Variants in GLS observed in about 807,000 individuals in gnomAD.
GLS encodes the protein glutaminase.
Under a neutral mutation model 86.7 loss-of-function variants are expected in GLS, and 36 were observed. That is an observed-to-expected ratio of 0.42 (90% confidence interval 0.32 to 0.55). GLS has a LOEUF of 0.55. Ranked by LOEUF, GLS falls within the 20% of genes least tolerant of loss-of-function variation. The probability of loss-of-function intolerance (pLI) is 0.17; values close to 1 mark genes in which losing one functional copy is unlikely to be tolerated. For synonymous variants in GLS, 317 were observed against 305.9 expected, an observed-to-expected ratio of 1.04 and a Z score of -0.38; for missense variants, 528 against 833.4, an observed-to-expected ratio of 0.63 and a Z score of 4.51.
Position 190,905,931 on chromosome 2 carries a change from T to TA in GLS, c.979+765dup, listed in dbSNP as rs1444234847. ...AGTTTGTAGTAATGGCTGTGAGAGA[T>TA]ACACTTTTGTACTTTTTTTTTCTGC... On this transcript the variant is annotated intron_variant, in intron 6 of 17. Coordinates refer to ENST00000320717, the MANE Select transcript of GLS (RefSeq NM_014905.5). The surrounding 1 kb of genome is among the most constrained non-coding windows in gnomAD (Gnocchi z 4.6). Among the ~76,000 whole-genome samples, 1 of 152,112 alleles carries TA rather than the reference T, an allele frequency of 6.6e-6. No homozygotes were observed. The highest frequency in any genetic ancestry group is 2.4e-5 in the African/African-American group (1 of 41,442).
intron 7 of GLS, among the ~76,000 whole-genome samples, chr2:190,911,378 A>C (rs114578973): frequency 1.1e-3 from 169 of 152,214 alleles, no homozygotes; most frequent in African/African-American, 3.9e-3. Context: ...TTAAGAATCT[A>C]TATGTTTACT....
chr2:190,885,525 T>C (rs570032987), intron 1 of GLS, among the ~76,000 whole-genome samples: 4 of 152,238 alleles, frequency 2.6e-5, no homozygotes, highest in Non-Finnish European at 5.9e-5. Flanking sequence ...GAAATGCTTA[T>C]GAATTTCAGC....
chr2:190,925,686 T>C (rs1041721826), intron 11 of GLS, among the ~76,000 whole-genome samples: 3 of 152,022 alleles, frequency 2.0e-5, no homozygotes, highest in Non-Finnish European at 4.4e-5. Flanking sequence ...ATAAGGGAGG[T>C]TGATAATGAG....
chr2:190,944,749 C>G (rs918524600), intron 14 of GLS, among the ~76,000 whole-genome samples: 1 of 151,918 alleles, frequency 6.6e-6, no homozygotes, highest in Admixed American at 6.6e-5. Context: ...AGTAGCGTAA[C>G]AGTCATATTT....
chr2:190,931,016 T>TA (rs1247573281), intron 13 of GLS, among the ~76,000 whole-genome samples: 6 of 152,230 alleles, frequency 3.9e-5, no homozygotes, highest in Non-Finnish European at 5.9e-5. Context: ...TTTAAACTGT[T>TA]ACTGCTCTTG....
chr2:190,921,219 A>G lies in GLS; in HGVS notation c.1130+16A>G, dbSNP rs1689725421. 1 of 1,531,798 alleles carries G rather than the reference A, an allele frequency of 6.5e-7. No homozygotes were observed. Among genetic ancestry groups the G allele is most frequent in the Non-Finnish European group, 9.0e-7 (1 of 1,105,534 alleles). The allele number at this position is 1,531,798 out of a possible 1,614,324, so 94.9% of individuals were successfully genotyped here. ...GTAATGCAACGTGAGTGTTTTAAATACTGTTTTGTTACGTAAAAACACACA... is the reference window on the plus strand; with the variant it reads ...GTAATGCAACGTGAGTGTTTTAAATGCTGTTTTGTTACGTAAAAACACACA... On this transcript the variant is annotated intron_variant, in intron 9 of 17. Coordinates refer to ENST00000320717, the MANE Select transcript of GLS (RefSeq NM_014905.5). The surrounding 1 kb of genome is among the most constrained non-coding windows in gnomAD (Gnocchi z 4.2).
Position 190,924,196 on chromosome 2 carries a change from CAT to C in GLS, c.1197+216_1197+217del, listed in dbSNP as rs558609239. The stretch of plus-strand genomic sequence containing the variant: ...TCTGGCAGCATTTAAATATTTGACT[CAT>C]ATTATTTATTAATACAAATTTTGTT... On this transcript the variant is annotated intron_variant, in intron 10 of 17. Coordinates refer to ENST00000320717, the MANE Select transcript of GLS (RefSeq NM_014905.5). This position sits in a 1 kb window ranked among gnomAD's most constrained non-coding sequence, Gnocchi z 5.2. Among the ~76,000 whole-genome samples, 22 of 152,184 alleles carry C rather than the reference CAT, an allele frequency of 1.4e-4. No homozygotes were observed. Among genetic ancestry groups the C allele is most frequent in the East Asian group, 3.9e-4 (2 of 5,182 alleles).
Position 190,880,912 on chromosome 2 carries a change from G to T in GLS, c.-173G>T. 2 of 946,830 alleles carry T rather than the reference G, an allele frequency of 2.1e-6. No individual in the cohort carries two copies. Among genetic ancestry groups the T allele is most frequent in the Non-Finnish European group, 1.6e-6 (1 of 626,714 alleles). The allele number at this position is 946,830 out of a possible 1,614,324, so 58.7% of individuals were successfully genotyped here. On this transcript the variant is annotated 5_prime_UTR_variant, in exon 1 of 18. Coordinates refer to ENST00000320717, the MANE Select transcript of GLS (RefSeq NM_014905.5). ...AGCAGCAGCAGCAGCAGCAGCAGCA[G>T]CAGCAGCACCCGCATCCGCTGCGGG...
rs1312009389 is a variant in GLS at position 190,924,450 on chromosome 2, A to G, written c.1198-93A>G. 4.1e-6 allele frequency: 3 copies of G among 733,630 alleles called. No individual in the cohort carries two copies. Among genetic ancestry groups the G allele is most frequent in the African/African-American group, 3.5e-5 (2 of 56,738 alleles). The allele number at this position is 733,630 out of a possible 1,614,324, so 45.4% of individuals were successfully genotyped here. A position where few individuals can be genotyped will look rare whatever the true frequency, so the allele number is the denominator to read the frequency against. ...ATGCTATTTTATTAATTAAAATGAAACACTTGTGTACATTTGAAATTTTTC... is the reference window on the plus strand; with the variant it reads ...ATGCTATTTTATTAATTAAAATGAAGCACTTGTGTACATTTGAAATTTTTC... On this transcript the variant is annotated intron_variant, in intron 10 of 17. Transcript: ENST00000320717. This position sits in a 1 kb window ranked among gnomAD's most constrained non-coding sequence, Gnocchi z 5.2.
chr2:190,933,041 A>G (rs1690159461), intron 14 of GLS: 4 of 1,091,944 alleles, frequency 3.7e-6, no homozygotes, highest in Admixed American at 4.7e-5. Context: ...TAAGAAGTGC[A>G]TTTGTTGGTC....
In GLS at chr2:190,924,509, C is replaced by G. The variant is rs752874146; in HGVS notation, c.1198-34C>G. 7.9e-7 allele frequency: 1 copy of G among 1,262,528 alleles called. No homozygotes were observed. Among genetic ancestry groups the G allele is most frequent in the Non-Finnish European group, 1.2e-6 (1 of 859,650 alleles). 78.2% of individuals were successfully genotyped at this position (1,262,528 alleles called of 1,614,324 possible). ...CTCTACTTATGTGCATTCCTGTGTGCCTGAATTTTTAATTGCCTTTCTGGT... is the reference window on the plus strand; with the variant it reads ...CTCTACTTATGTGCATTCCTGTGTGGCTGAATTTTTAATTGCCTTTCTGGT... On this transcript the variant is annotated intron_variant, in intron 10 of 17. Transcript: ENST00000320717. The surrounding 1 kb of genome is among the most constrained non-coding windows in gnomAD (Gnocchi z 5.2).
At chr2:190,911,043 G>A (rs545270354) in intron 7 of GLS, among the ~76,000 whole-genome samples, 3 of 149,894 alleles carry the variant, frequency 2.0e-5, no homozygotes, top group East Asian at 3.9e-4. Context: ...TCTACCACAC[G>A]ATTTTAGATG....
Position 190,881,184 on chromosome 2 carries a change from C to G in GLS, c.100C>G (p.Leu34Val). Residue 34 changes from leucine (L) to valine (V), a missense_variant, in exon 1 of 18, where the codon CTG becomes GTG. Transcript: ENST00000320717. ...GCGGCGGGCACAGCCCTTGGTCACC[C>G]TGTGCCGGCGTCCCCGAGGCGGGGG... is the stretch of plus-strand genomic sequence containing the variant. ...TLRRAQPLVT[L>V]CRRPRGGGRP... The G allele has an allele frequency of 7.1e-7, 1 of 1,400,008 alleles. No homozygotes were observed. The highest frequency in any genetic ancestry group is 9.3e-7 in the Non-Finnish European group (1 of 1,079,384). The allele number at this position is 1,400,008 out of a possible 1,614,324, so 86.7% of individuals were successfully genotyped here.
chr2:190,941,707 G>A (rs1690436929), intron 14 of GLS, among the ~76,000 whole-genome samples: 1 of 128,764 alleles, frequency 7.8e-6, no homozygotes, highest in African/African-American at 3.0e-5. Context: ...ACAGGAAGGA[G>A]TTTAGCACAT....
Position 190,961,932 on chromosome 2 carries a change from G to T in GLS, c.1854-898G>T, listed in dbSNP as rs557981136. ...TGCCAGTGGCACATGGATGAAGAAAGAGAGATCATCAGCCATGGAGAATTT... is the reference window on the plus strand; with the variant it reads ...TGCCAGTGGCACATGGATGAAGAAATAGAGATCATCAGCCATGGAGAATTT... On this transcript the variant is annotated intron_variant, in intron 17 of 17. Coordinates refer to ENST00000320717, the MANE Select transcript of GLS (RefSeq NM_014905.5). Among the ~76,000 whole-genome samples the T allele has an allele frequency of 1.1e-4, 16 of 152,308 alleles. No individual in the cohort carries two copies. In the East Asian group the frequency reaches 2.7e-3, roughly 26 times the overall value.
chr2:190,900,519 T>C (rs1688902884), intron 3 of GLS, 45 bp from the exon 4 acceptor site: 4 of 1,214,998 alleles, frequency 3.3e-6, no homozygotes, highest in African/African-American at 1.5e-5. Flanking sequence ...AGTTCTGATA[T>C]TTGAAATGTA....
chr2:190,905,943 C>CT lies in GLS; in HGVS notation c.979+785dup, dbSNP rs913723135. 3.3e-5 allele frequency among the ~76,000 whole-genome samples: 5 copies of CT among 151,154 alleles called. No homozygotes were observed. The highest frequency in any genetic ancestry group is 1.9e-4 in the East Asian group (1 of 5,174). Reference sequence around the variant, plus strand: ...TGGCTGTGAGAGATACACTTTTGTACTTTTTTTTTCTGCTGTATAAAAAAT... The same window carrying CT: ...TGGCTGTGAGAGATACACTTTTGTACTTTTTTTTTTCTGCTGTATAAAAAAT... On this transcript the variant is annotated intron_variant, in intron 6 of 17. Coordinates refer to ENST00000320717, the MANE Select transcript of GLS (RefSeq NM_014905.5). This position sits in a 1 kb window ranked among gnomAD's most constrained non-coding sequence, Gnocchi z 4.6.
chr2:190,892,826 T>A (rs1222398249), intron 1 of GLS, among the ~76,000 whole-genome samples: 1 of 152,200 alleles, frequency 6.6e-6, no homozygotes, highest in African/African-American at 2.4e-5. Context: ...TGGCTTAAAT[T>A]CTTTCCCCTA....
intron 7 of GLS, among the ~76,000 whole-genome samples, chr2:190,911,844 G>T (rs922247514): frequency 6.6e-6 from 1 of 152,048 alleles, no homozygotes. Flanking sequence ...GCTGATCCAT[G>T]GGTCCTAGTT....
Sources: gnomAD v4.1 joint callset for allele counts (sites outside exome capture counted in the v4.1 genomes callset) on GRCh38, gnomAD v4.1.1 for gene constraint, Gnocchi (gnomAD v3.1) non-coding constraint, MANE v1.5 for transcripts, NCBI Gene and HGNC (gene_info 2026-07-23, HGNC 2026-07-21) for gene names.